Variants in PITPNM1 observed in about 807,000 individuals in gnomAD.
PITPNM1 encodes the protein membrane-associated phosphatidylinositol transfer protein 1.
A neutral mutation model predicts 133.3 loss-of-function variants in PITPNM1; 74 were observed. The observed-to-expected ratio is 0.56, with a 90% CI of 0.46 to 0.67. The LOEUF (loss-of-function observed/expected upper bound fraction) is 0.67. PITPNM1 is among the 30% of genes least tolerant of loss of function. The pLI, the probability that PITPNM1 is intolerant of heterozygous loss-of-function variation, is 0.00. For missense variants in PITPNM1, 1,398 were observed against 1,739.5 expected, an observed-to-expected ratio of 0.80 and a Z score of 3.49; for synonymous variants, 738 against 741.4, an observed-to-expected ratio of 1.00 and a Z score of 0.08.
Position 67,498,328 on chromosome 11 carries a change from G to A in PITPNM1, c.1485-6C>T, listed in dbSNP as rs750319387. Reference sequence around the variant, plus strand: ...CGTGGCTGTAAGGGCTCAGGCTGTAGGAGGGGGAAATGTGCGTGGGTGAGG... The same window carrying A: ...CGTGGCTGTAAGGGCTCAGGCTGTAAGAGGGGGAAATGTGCGTGGGTGAGG... On this transcript the variant is annotated splice_region_variant and splice_polypyrimidine_tract_variant and intron_variant, in intron 10 of 23. Transcript: ENST00000356404. The surrounding 1 kb of genome is among the most constrained non-coding windows in gnomAD (Gnocchi z 5.7). The A allele has an allele frequency of 1.4e-5, 22 of 1,558,772 alleles. No individual in the cohort carries two copies. The highest frequency in any genetic ancestry group is 2.3e-5 in the East Asian group (1 of 44,192).
In PITPNM1 at chr11:67,502,066, C is replaced by A; in HGVS notation, c.436G>T (p.Asp146Tyr). ...TTGTACTCGCCTGGGGCCACTGCAT[C>A]CCGCACGATGTCGATGGTGTCTGAG... ...RILDTIDIVR[D>Y]AVAPGEYKAE... The change falls in exon 5 of 24, where the codon GAT becomes TAT. Residue 146 changes from aspartate to tyrosine, a missense_variant. Transcript: ENST00000356404. The surrounding 1 kb of genome is among the most constrained non-coding windows in gnomAD (Gnocchi z 5.9). The A allele has an allele frequency of 6.2e-7, 1 of 1,612,792 alleles. No individual in the cohort carries two copies. Among genetic ancestry groups the A allele is most frequent in the Non-Finnish European group, 8.5e-7 (1 of 1,179,706 alleles).
chr11:67,493,709 G>A lies in PITPNM1; in HGVS notation c.3137C>T (p.Ala1046Val), dbSNP rs1369670068. 1 of 1,547,178 alleles carries A rather than the reference G, an allele frequency of 6.5e-7. No individual in the cohort carries two copies. Among genetic ancestry groups the A allele is most frequent in the Non-Finnish European group, 8.7e-7 (1 of 1,146,982 alleles). The change falls in exon 21 of 24, where the codon GCT becomes GTT. Residue 1046 changes from alanine (A) to valine (V), a missense_variant. Physicochemically the swap from Ala to Val is moderately conservative, Grantham distance 64. Coordinates refer to ENST00000356404, the MANE Select transcript of PITPNM1 (RefSeq NM_004910.3). ...SIMGSDPKVR[A>V]GAVDVVRHWQ... Reference sequence around the variant, plus strand: ...CTACCTGACCACGTCCACGGCGCCAGCTCGCACCTTGGGGTCGCTGCCCAT... The same window carrying A: ...CTACCTGACCACGTCCACGGCGCCAACTCGCACCTTGGGGTCGCTGCCCAT...
rs1279744011 is a variant in PITPNM1, at chr11:67,502,751, C to T, written c.79-33G>A. Reference sequence around the variant, plus strand: ...CCAAGGGAGAGCAGGACAGGGAGCTCAGCCCCAGCTTAGCATCTGGGATCC... The same window carrying T: ...CCAAGGGAGAGCAGGACAGGGAGCTTAGCCCCAGCTTAGCATCTGGGATCC... On this transcript the variant is annotated intron_variant, in intron 2 of 23. Coordinates refer to ENST00000356404, the MANE Select transcript of PITPNM1 (RefSeq NM_004910.3). This position sits in a 1 kb window ranked among gnomAD's most constrained non-coding sequence, Gnocchi z 5.9. The T allele has an allele frequency of 1.9e-6, 3 of 1,594,374 alleles. No homozygotes were observed. Among genetic ancestry groups the T allele is most frequent in the East Asian group, 4.5e-5 (2 of 44,484 alleles).
In PITPNM1 at chr11:67,504,300, C is replaced by G; in HGVS notation, c.-41-79G>C. On this transcript the variant is annotated intron_variant, in intron 1 of 23. Coordinates refer to ENST00000356404, the MANE Select transcript of PITPNM1 (RefSeq NM_004910.3). This position sits in a 1 kb window ranked among gnomAD's most constrained non-coding sequence, Gnocchi z 5.4. The stretch of plus-strand genomic sequence containing the variant: ...AGCCCTGCGCGCCGGCCGAGGGACT[C>G]AGGCCACGGGACCCCATGTCCGGGC... The G allele has an allele frequency of 2.1e-6, 1 of 476,704 alleles. No individual in the cohort carries two copies. Among genetic ancestry groups the G allele is most frequent in the Non-Finnish European group, 3.3e-6 (1 of 304,964 alleles). 29.5% of individuals were successfully genotyped at this position (476,704 alleles called of 1,614,324 possible).
At chr11:67,493,211 AC>A in intron 22 of PITPNM1, 149 bp from the exon 23 acceptor site, 1 of 1,126,686 alleles carries the variant, frequency 8.9e-7, no homozygotes, top group Non-Finnish European at 1.3e-6. Flanking sequence ...CAGGGGCGGG[AC>A]CAGCTGCATC....
rs1866226272 is a variant in PITPNM1 at position 67,498,963 on chromosome 11, C to A, written c.1210G>T (p.Ala404Ser). 5.6e-6 allele frequency: 9 copies of A among 1,612,772 alleles called. No individual in the cohort carries two copies. The highest frequency in any genetic ancestry group is 7.6e-6 in the Non-Finnish European group (9 of 1,179,676). The change falls in exon 9 of 24, where the codon GCC (alanine) becomes TCC (serine). Residue 404 changes from alanine to serine, a missense_variant. Around this residue, in one of 5 missense-constraint regions of PITPNM1, gnomAD observed 574 missense variants for 698.7 expected, o/e 0.82. Transcript: ENST00000356404. The surrounding 1 kb of genome is among the most constrained non-coding windows in gnomAD (Gnocchi z 5.7). ...AEAAKGIEDG[A>S]QAPRDSEGLD... is the part of the protein sequence containing the mutation. The stretch of plus-strand genomic sequence containing the variant: ...GCCTCTGAGTCCCTGGGTGCTTGGG[C>A]CCCATCCTCAATGCCTTTAGCTGCC...
chr11:67,494,993 G>A (rs376109515), intron 17 of PITPNM1, 37 bp from the exon 18 acceptor site: 68 of 1,605,772 alleles, frequency 4.2e-5, no homozygotes, highest in South Asian at 5.5e-5. Flanking sequence ...TGTCTCTTAG[G>A]GGAGGGAGGG....
In PITPNM1 at chr11:67,504,363, G is replaced by A. The variant is rs2134338734; in HGVS notation, c.-41-142C>T. ...AGGCAGAGGCGAGCCTAGCACCGCC[G>A]CCCGCGCCGCCGGGGCCGGGAGCCG... On this transcript the variant is annotated intron_variant, in intron 1 of 23. Coordinates refer to ENST00000356404, the MANE Select transcript of PITPNM1 (RefSeq NM_004910.3). The surrounding 1 kb of genome is among the most constrained non-coding windows in gnomAD (Gnocchi z 5.4). 1 of 281,088 alleles carries A rather than the reference G, an allele frequency of 3.6e-6. No individual in the cohort carries two copies. Among genetic ancestry groups the A allele is most frequent in the Non-Finnish European group, 6.6e-6 (1 of 152,306 alleles). 17.4% of individuals were successfully genotyped at this position (281,088 alleles called of 1,614,324 possible). A position where few individuals can be genotyped will look rare whatever the true frequency, so the allele number is the denominator to read the frequency against.
rs367606225 is a variant in PITPNM1 at position 67,497,193 on chromosome 11, C to G, written c.2146+38G>C. 9.1e-4 allele frequency: 1,376 copies of G among 1,514,496 alleles called. 3 individuals are homozygous for G. The highest frequency in any genetic ancestry group is 3.8e-3 in the Middle Eastern group (17 of 4,420). The allele number at this position is 1,514,496 out of a possible 1,614,324, so 93.8% of individuals were successfully genotyped here. On this transcript the variant is annotated intron_variant, in intron 14 of 23. Transcript: ENST00000356404. ...AGGAGGTGGGGAAGGAAGGGGCAGA[C>G]AGAGACTAGAGGCGCCCCCGCAGCC...
rs141637904 is a variant in PITPNM1 at position 67,498,968 on chromosome 11, T to C, written c.1205A>G (p.Asp402Gly). ...TGAGTCCCTGGGTGCTTGGGCCCCA[T>C]CCTCAATGCCTTTAGCTGCCTCGGC... ...PGAEAAKGIE[D>G]GAQAPRDSEG... Residue 402 changes from aspartate to glycine, a missense_variant, in exon 9 of 24, where the codon GAT becomes GGT. By Grantham distance (94) the Asp-to-Gly change is moderately conservative. Transcript: ENST00000356404. This position sits in a 1 kb window ranked among gnomAD's most constrained non-coding sequence, Gnocchi z 5.7. The C allele has an allele frequency of 1.9e-6, 3 of 1,612,598 alleles. No individual in the cohort carries two copies. The highest frequency in any genetic ancestry group is 2.5e-6 in the Non-Finnish European group (3 of 1,179,674).
intron 14 of PITPNM1, 181 bp from the exon 15 acceptor site, chr11:67,496,529 G>A (rs945439784): frequency 2.2e-5 from 12 of 546,654 alleles, no homozygotes; most frequent in Non-Finnish European, 3.8e-5. Flanking sequence ...GCTGGGCACC[G>A]TGGCTCATGC....
chr11:67,498,636 AG>A lies in PITPNM1; in HGVS notation c.1443del (p.Cys482ValfsTer15). Reference sequence around the variant, plus strand: ...TAGGCGGCGGCGCAGATGGGTGGACAGGGCACCAGTCGCAGCGCCACGTGGC... The same window carrying A: ...TAGGCGGCGGCGCAGATGGGTGGACAGGCACCAGTCGCAGCGCCACGTGGC... Reference protein sequence around the residue: ...ALGHVALRLVPCPPICAAAYA... With the variant: ...ALGHVALRLVXCPPICAAAYA... On this transcript the variant is annotated frameshift_variant, in exon 10 of 24. Coordinates refer to ENST00000356404, the MANE Select transcript of PITPNM1 (RefSeq NM_004910.3). LOFTEE classifies it high-confidence loss of function. The surrounding 1 kb of genome is among the most constrained non-coding windows in gnomAD (Gnocchi z 5.7). 6.3e-7 allele frequency: 1 copy of A among 1,599,224 alleles called. No homozygotes were observed. The highest frequency in any genetic ancestry group is 8.5e-7 in the Non-Finnish European group (1 of 1,179,878).
Position 67,502,564 on chromosome 11 carries a change from G to T in PITPNM1, c.233C>A (p.Pro78His). 6.2e-7 allele frequency: 1 copy of T among 1,613,668 alleles called. No individual in the cohort carries two copies. Among genetic ancestry groups the T allele is most frequent in the East Asian group, 2.2e-5 (1 of 44,886 alleles). Reference protein sequence around the residue: ...HIPGWFRALLPKAALQVEEES... With the variant: ...HIPGWFRALLHKAALQVEEES... The stretch of plus-strand genomic sequence containing the variant: ...CTCTTCTACCTGCAGGGCAGCCTTG[G>T]GCAGCAGTGCCCGGAACCAGCCTGG... Residue 78 changes from proline (P) to histidine (H), a missense_variant, in exon 3 of 24, where the codon CCC (proline) becomes CAC (histidine). By Grantham distance (77) the Pro-to-His change is moderately conservative (BLOSUM62 -2). Coordinates refer to ENST00000356404, the MANE Select transcript of PITPNM1 (RefSeq NM_004910.3). The surrounding 1 kb of genome is among the most constrained non-coding windows in gnomAD (Gnocchi z 5.9).
chr11:67,495,722 G>C, intron 15 of PITPNM1, 120 bp from the exon 16 acceptor site: 1 of 976,648 alleles, frequency 1.0e-6, no homozygotes. Flanking sequence ...CCTGGCTGAG[G>C]CTGCACTGTG....
At chr11:67,497,206 C>T (rs773088623) in intron 14 of PITPNM1, 25 bp downstream of exon 14, 42 of 1,553,216 alleles carry the variant, frequency 2.7e-5, no homozygotes, top group African/African-American at 9.6e-5. Flanking sequence ...AGACTAGAGG[C>T]GCCCCCGCAG....
rs139749051 is a variant in PITPNM1, at chr11:67,497,623, A to G, written c.1839T>C (p.Gly613=). The change falls in exon 13 of 24, where the codon GGT becomes GGC. Residue 613 remains glycine (G), a synonymous_variant. Transcript: ENST00000356404. ...GGCTGCCCCGACCCAGGCCTTCCAC[A>G]CCATCTGCCAGGGGGTCCCGCACTG... The part of the protein sequence containing the change: ...FGPVRDPLAD[G]VEGLGRGSPE... The G allele has an allele frequency of 9.3e-6, 15 of 1,607,958 alleles. No homozygotes were observed. The African/African-American group carries it at 2.0e-4, about 22-fold the overall frequency.
At position 67,498,005 on chromosome 11, in the gene PITPNM1, C is replaced by T; in HGVS notation, c.1694G>A (p.Gly565Asp). 2.5e-6 allele frequency: 4 copies of T among 1,610,678 alleles called. No homozygotes were observed. The highest frequency in any genetic ancestry group is 3.4e-6 in the Non-Finnish European group (4 of 1,179,964). Reference sequence around the variant, plus strand: ...ATCAAAGCCCAGGATGCCACCAACACCATCTCCAATCAGTGCGACCTGGGT... The same window carrying T: ...ATCAAAGCCCAGGATGCCACCAACATCATCTCCAATCAGTGCGACCTGGGT... ...FCGQVALIGD[G>D]VGGILGFDAL... is the part of the protein sequence containing the mutation. Residue 565 changes from glycine (G) to aspartate (D), a missense_variant, in exon 12 of 24, where the codon GGT (glycine) becomes GAT (aspartate). Gly to Asp is a moderately conservative substitution (Grantham distance 94, BLOSUM62 -1). Around this residue, in one of 5 missense-constraint regions of PITPNM1, gnomAD observed 574 missense variants for 698.7 expected, o/e 0.82. Coordinates refer to ENST00000356404, the MANE Select transcript of PITPNM1 (RefSeq NM_004910.3). The surrounding 1 kb of genome is among the most constrained non-coding windows in gnomAD (Gnocchi z 5.7).
chr11:67,497,958 C>T lies in PITPNM1; in HGVS notation c.1741G>A (p.Ala581Thr), dbSNP rs566010672. ...CTGCTGCCCCGACTCCCGGTGCCCG[C>T]GTTAGCACTGTGGCAGAGTGCATCA... ...GFDALCHSAN[A>T]GTGSRGSSRR... Residue 581 changes from alanine (A) to threonine (T), a missense_variant, in exon 12 of 24, where the codon GCG (alanine) becomes ACG (threonine). Physicochemically the swap from Ala to Thr is moderately conservative, Grantham distance 58. Transcript: ENST00000356404. 1.2e-4 allele frequency: 193 copies of T among 1,611,272 alleles called. No homozygotes were observed. Among genetic ancestry groups the T allele is most frequent in the Middle Eastern group, 8.2e-4 (5 of 6,062 alleles).
At chr11:67,493,249 G>A (rs1053605793) in intron 22 of PITPNM1, among the ~76,000 whole-genome samples, 161 bp downstream of exon 22, 2 of 152,134 alleles carry the variant, frequency 1.3e-5, no homozygotes, top group Non-Finnish European at 2.9e-5. Context: ...AGTACACGGG[G>A]CCCCTCAAAC....
Sources: gnomAD v4.1 joint callset for allele counts (sites outside exome capture counted in the v4.1 genomes callset) on GRCh38, gnomAD v4.1.1 for gene constraint, gnomAD v4.1.1 regional missense constraint, Gnocchi (gnomAD v3.1) non-coding constraint, MANE v1.5 for transcripts, NCBI Gene and HGNC (gene_info 2026-07-23, HGNC 2026-07-21) for gene names.